SUPT5H: variants seen among roughly 807,000 people sequenced by gnomAD.
The protein encoded by SUPT5H is SPT5 homolog, DSIF elongation factor subunit.
A neutral mutation model predicts 142.5 loss-of-function variants in SUPT5H; 24 were observed. That is an observed-to-expected ratio of 0.17 (90% CI 0.12 to 0.24). The LOEUF (loss-of-function observed/expected upper bound fraction) is 0.24, where lower values mean the gene tolerates loss of function less well. Among genes scored for constraint, SUPT5H ranks in the 10% least tolerant of loss-of-function variants. The probability of loss-of-function intolerance (pLI) is 1.00; values close to 1 mark genes in which losing one functional copy is unlikely to be tolerated. For missense variants in SUPT5H, 893 were observed against 1,471.8 expected, an observed-to-expected ratio of 0.61 and a Z score of 6.43; for synonymous variants, 546 against 553.0, an observed-to-expected ratio of 0.99 and a Z score of 0.18.
intron 3 of SUPT5H, among the ~76,000 whole-genome samples, 176 bp from the exon 4 acceptor site, chr19:39,457,499 A>T (rs547850686): frequency 1.3e-5 from 2 of 152,240 alleles, no homozygotes; most frequent in South Asian, 4.2e-4. Flanking sequence ...CTCGATCCTG[A>T]TGCGTGCACC....
At chr19:39,452,561 A>C (rs1418520859) in intron 2 of SUPT5H, among the ~76,000 whole-genome samples, 1 of 152,138 alleles carries the variant, frequency 6.6e-6, no homozygotes, top group Non-Finnish European at 1.5e-5. Context: ...TGCTGCTGGG[A>C]TGGTAGGGAA....
chr19:39,450,344 CG>C (rs1173106319), intron 2 of SUPT5H, among the ~76,000 whole-genome samples: 2 of 151,936 alleles, frequency 1.3e-5, no homozygotes, highest in African/African-American at 4.8e-5. Context: ...GGCACAATCG[CG>C]GCTCACTGCA....
chr19:39,459,388 C>A, intron 8 of SUPT5H, 139 bp downstream of exon 8: 2 of 1,330,582 alleles, frequency 1.5e-6, no homozygotes, highest in Non-Finnish European at 2.1e-6. Context: ...GTAGGGAGGG[C>A]AAGGTGGCAC....
Position 39,473,385 on chromosome 19 carries a change from A to G in SUPT5H, c.2387-31A>G. 1 of 1,613,290 alleles carries G rather than the reference A, an allele frequency of 6.2e-7. No individual in the cohort carries two copies. The highest frequency in any genetic ancestry group is 8.5e-7 in the Non-Finnish European group (1 of 1,179,838). ...GGCTAGGGGGACCTAGAGAAGGGAC[A>G]GGACAGACACACTCATTTCCCCCAT... On this transcript the variant is annotated intron_variant, in intron 24 of 29. Coordinates refer to ENST00000432763, the MANE Select transcript of SUPT5H (RefSeq NM_001111020.3). The surrounding 1 kb of genome is among the most constrained non-coding windows in gnomAD (Gnocchi z 5.8).
intron 2 of SUPT5H, among the ~76,000 whole-genome samples, chr19:39,450,029 C>T (rs2079001789): frequency 6.6e-6 from 1 of 151,138 alleles, no homozygotes; most frequent in Non-Finnish European, 1.5e-5. Flanking sequence ...CCTCAGCCTC[C>T]TGAGGATCAA....
In SUPT5H at chr19:39,466,884, C is replaced by G; in HGVS notation, c.1037+139C>G. The G allele has an allele frequency of 1.3e-6, 1 of 748,824 alleles. No homozygotes were observed. 46.4% of individuals were successfully genotyped at this position (748,824 alleles called of 1,614,324 possible). Reference sequence around the variant, plus strand: ...GTTAGCTTGGCAGTATAGCCTCAGGCAAGTCACTTCACATCCCTGTGCCTC... The same window carrying G: ...GTTAGCTTGGCAGTATAGCCTCAGGGAAGTCACTTCACATCCCTGTGCCTC... On this transcript the variant is annotated intron_variant, in intron 13 of 29. Coordinates refer to ENST00000432763, the MANE Select transcript of SUPT5H (RefSeq NM_001111020.3). The surrounding 1 kb of genome is among the most constrained non-coding windows in gnomAD (Gnocchi z 4.3).
At position 39,464,871 on chromosome 19, in the gene SUPT5H, C is replaced by T; in HGVS notation, c.698C>T (p.Thr233Ile). Reference sequence around the variant, plus strand: ...ATCTACGTGGAGGCCTACAAGCAGACCCACGTGAAGCAGGCCATTGAGGGG... The same window carrying T: ...ATCTACGTGGAGGCCTACAAGCAGATCCACGTGAAGCAGGCCATTGAGGGG... ...GYIYVEAYKQTHVKQAIEGVG... is the reference protein window; with the variant it reads ...GYIYVEAYKQIHVKQAIEGVG... Residue 233 changes from threonine to isoleucine, a missense_variant, in exon 11 of 30, where the codon ACC (threonine) becomes ATC (isoleucine). Physicochemically the swap from Thr to Ile is moderately conservative, Grantham distance 89. This residue lies in a region of SUPT5H where 428 missense variants were observed against 763.5 expected (regional missense o/e 0.56). Coordinates refer to ENST00000432763, the MANE Select transcript of SUPT5H (RefSeq NM_001111020.3). 1.9e-6 allele frequency: 3 copies of T among 1,614,178 alleles called. No homozygotes were observed. Among genetic ancestry groups the T allele is most frequent in the Non-Finnish European group, 2.5e-6 (3 of 1,180,040 alleles).
chr19:39,457,625 G>A (rs1188832791), intron 3 of SUPT5H, 50 bp from the exon 4 acceptor site: 1 of 1,598,060 alleles, frequency 6.3e-7, no homozygotes, highest in South Asian at 1.1e-5. Flanking sequence ...TGTCCTGGGA[G>A]CTGTTATGAG....
In SUPT5H at chr19:39,476,144, C is replaced by G; in HGVS notation, c.3088C>G (p.Leu1030Val). Residue 1030 changes from leucine (L) to valine (V), a missense_variant, in exon 29 of 30, where the codon CTG becomes GTG. By Grantham distance (32) the Leu-to-Val change is conservative (BLOSUM62 1). Around this residue, in one of 6 missense-constraint regions of SUPT5H, gnomAD observed 336 missense variants for 546.5 expected, o/e 0.61. Transcript: ENST00000432763. The part of the protein sequence containing the change: ...EKVVSISSEH[L>V]EPITPTKNNK... ...GGTTGTCAGCATTTCCAGTGAGCAC[C>G]TGGAGCCTATCACCCCCACCAAGAA... 1.9e-6 allele frequency: 3 copies of G among 1,614,126 alleles called. No homozygotes were observed. In the South Asian group the frequency reaches 3.3e-5, roughly 18 times the overall value.
Position 39,474,914 on chromosome 19 carries a change from C to A in SUPT5H, c.3024+196C>A. On this transcript the variant is annotated intron_variant, in intron 28 of 29. Transcript: ENST00000432763. The surrounding 1 kb of genome is among the most constrained non-coding windows in gnomAD (Gnocchi z 6.5). ...TTTAGCGGGGAATCAGGGAGGGCTG[C>A]CTGGGGAAGGAGAAATCTGAGCCAA... 1.6e-6 allele frequency: 1 copy of A among 634,904 alleles called. No homozygotes were observed. The allele number at this position is 634,904 out of a possible 1,614,324, so 39.3% of individuals were successfully genotyped here.
In SUPT5H at chr19:39,470,116, C is replaced by T. The variant is rs2079298964; in HGVS notation, c.1375-3C>T. The T allele has an allele frequency of 6.2e-7, 1 of 1,612,818 alleles. No individual in the cohort carries two copies. Among genetic ancestry groups the T allele is most frequent in the Non-Finnish European group, 8.5e-7 (1 of 1,179,346 alleles). On this transcript the variant is annotated splice_region_variant and splice_polypyrimidine_tract_variant and intron_variant, in intron 16 of 29. Coordinates refer to ENST00000432763, the MANE Select transcript of SUPT5H (RefSeq NM_001111020.3). The surrounding 1 kb of genome is among the most constrained non-coding windows in gnomAD (Gnocchi z 5.8). Reference sequence around the variant, plus strand: ...TTTGTTGTCCCCACACCCAATCCCCCAGGACATGTTGGAGTTCCCAGCCCA... The same window carrying T: ...TTTGTTGTCCCCACACCCAATCCCCTAGGACATGTTGGAGTTCCCAGCCCA...
At position 39,446,327 on chromosome 19, in the gene SUPT5H, A is replaced by C. The variant is rs145012141; in HGVS notation, c.75+362A>C. 4.2e-3 allele frequency among the ~76,000 whole-genome samples: 642 copies of C among 152,340 alleles called. 3 individuals are homozygous for C. The highest frequency in any genetic ancestry group is 6.8e-3 in the South Asian group (33 of 4,826). ...TTGCTCTTAGGGTACACCAGTAAAC[A>C]AAAAGATTTTAAAAATGTCTGCCTT... On this transcript the variant is annotated intron_variant, in intron 2 of 29. Transcript: ENST00000432763.
Position 39,470,112 on chromosome 19 carries a change from C to G in SUPT5H, c.1375-7C>G, listed in dbSNP as rs750960214. On this transcript the variant is annotated splice_region_variant and splice_polypyrimidine_tract_variant and intron_variant, in intron 16 of 29. Transcript: ENST00000432763. The surrounding 1 kb of genome is among the most constrained non-coding windows in gnomAD (Gnocchi z 5.8). The stretch of plus-strand genomic sequence containing the variant: ...CCTGTTTGTTGTCCCCACACCCAAT[C>G]CCCCAGGACATGTTGGAGTTCCCAG... The G allele has an allele frequency of 3.7e-6, 6 of 1,611,716 alleles. No homozygotes were observed. The South Asian group carries it at 6.6e-5, about 18-fold the overall frequency.
chr19:39,457,911 G>A, intron 4 of SUPT5H, 171 bp downstream of exon 4: 1 of 1,263,474 alleles, frequency 7.9e-7, no homozygotes, highest in Middle Eastern at 1.8e-4. Flanking sequence ...TTTCCTTTTA[G>A]GCCCATGAGT....
Position 39,474,276 on chromosome 19 carries a change from A to G in SUPT5H, c.2694A>G (p.Pro898=). ...DQFSPYAAPS[P]QGSYQPSPSP... is the part of the protein sequence containing the mutation. ...TCTCTCCCTATGCTGCCCCCTCCCC[A>G]CAAGGTTCCTACCAGCCCAGCCCCA... The change falls in exon 27 of 30, where the codon CCA becomes CCG. Residue 898 remains proline, a synonymous_variant. Transcript: ENST00000432763. The surrounding 1 kb of genome is among the most constrained non-coding windows in gnomAD (Gnocchi z 6.5). 2.5e-6 allele frequency: 4 copies of G among 1,612,162 alleles called. No individual in the cohort carries two copies. Among genetic ancestry groups the G allele is most frequent in the South Asian group, 1.1e-5 (1 of 90,980 alleles).
chr19:39,453,986 A>G (rs762671656), intron 3 of SUPT5H, among the ~76,000 whole-genome samples: 1 of 152,252 alleles, frequency 6.6e-6, no homozygotes, highest in Non-Finnish European at 1.5e-5. Context: ...TTATTGAAGT[A>G]CAGTTATCAG....
At chr19:39,447,175 TA>T (rs1440869344) in intron 2 of SUPT5H, among the ~76,000 whole-genome samples, 1 of 151,920 alleles carries the variant, frequency 6.6e-6, no homozygotes, top group African/African-American at 2.4e-5. Context: ...CACCACCCCC[TA>T]AAAAAAGGGG....
chr19:39,462,679 C>T (rs529897630), intron 10 of SUPT5H, among the ~76,000 whole-genome samples: 8 of 151,778 alleles, frequency 5.3e-5, no homozygotes, highest in Admixed American at 1.3e-4. Flanking sequence ...TACAGGCACC[C>T]GACACCACGC....
In SUPT5H at chr19:39,474,848, C is replaced by T. The variant is rs2079380153; in HGVS notation, c.3024+130C>T. ...GCTGGGATTGAGGAAGCCTAGAGGG[C>T]AAGGGGAGCTATGTGAACCCAAAGG... On this transcript the variant is annotated intron_variant, in intron 28 of 29. Transcript: ENST00000432763. This position sits in a 1 kb window ranked among gnomAD's most constrained non-coding sequence, Gnocchi z 6.5. 1.9e-6 allele frequency: 2 copies of T among 1,050,564 alleles called. No individual in the cohort carries two copies. The highest frequency in any genetic ancestry group is 5.2e-5 in the East Asian group (2 of 38,364). 65.1% of individuals were successfully genotyped at this position (1,050,564 alleles called of 1,614,324 possible).
Sources: allele counts gnomAD v4.1 joint callset (sites outside exome capture counted in the v4.1 genomes callset), GRCh38; gene constraint gnomAD v4.1.1; regional missense constraint gnomAD v4.1.1; non-coding constraint Gnocchi (gnomAD v3.1); transcripts MANE v1.5; gene names NCBI Gene and HGNC (gene_info 2026-07-23, HGNC 2026-07-21).